Variants in CNTN5 observed in about 807,000 individuals in gnomAD.
CNTN5 encodes the protein contactin-5.
In CNTN5, 77 loss-of-function variants were observed where a neutral mutation model predicts 129.1. The observed-to-expected ratio is 0.60, with a 90% CI of 0.50 to 0.72. CNTN5 has a LOEUF of 0.72. CNTN5 is among the 30% of genes least tolerant of loss of function. CNTN5 has a pLI of 0.00. For synonymous variants in CNTN5, 509 were observed against 465.6 expected (o/e 1.09, Z -1.20); for missense variants, 1,478 against 1,328.8 (o/e 1.11, Z -1.75).
chr11:100,071,085 G>A (rs1019295214), intron 11 of CNTN5, among the ~76,000 whole-genome samples: 2 of 151,822 alleles, frequency 1.3e-5, no homozygotes, highest in African/African-American at 4.8e-5. Flanking sequence ...ATATGCTCTT[G>A]ACTTGAGGTT....
At chr11:100,215,426 G>A (rs1468973810) in intron 15 of CNTN5, among the ~76,000 whole-genome samples, 1 of 152,150 alleles carries the variant, frequency 6.6e-6, no homozygotes, top group Non-Finnish European at 1.5e-5. Context: ...CAGTGAACAA[G>A]TAGTTATATC....
chr11:99,726,836 G>A (rs755519188), intron 3 of CNTN5, among the ~76,000 whole-genome samples: 3 of 151,940 alleles, frequency 2.0e-5, no homozygotes, highest in Non-Finnish European at 4.4e-5. Flanking sequence ...TAAGTATAGT[G>A]CTTTTCCACC....
At chr11:99,621,315 A>G (rs544990332) in intron 3 of CNTN5, among the ~76,000 whole-genome samples, 82 of 152,326 alleles carry the variant, frequency 5.4e-4, no homozygotes, top group African/African-American at 1.9e-3. Flanking sequence ...AGATGGCTAA[A>G]TTGGAGTCAA....
chr11:99,951,420 C>A (rs1184677074), intron 7 of CNTN5, among the ~76,000 whole-genome samples: 1 of 151,946 alleles, frequency 6.6e-6, no homozygotes, highest in Non-Finnish European at 1.5e-5. Flanking sequence ...GATCTCAGTT[C>A]CCACCCCAAA....
At chr11:99,842,139 C>T (rs540068670) in intron 4 of CNTN5, among the ~76,000 whole-genome samples, 2 of 152,050 alleles carry the variant, frequency 1.3e-5, no homozygotes, top group East Asian at 3.9e-4. Flanking sequence ...AGATGATGCA[C>T]CCACCTCAGC....
intron 13 of CNTN5, among the ~76,000 whole-genome samples, chr11:100,150,678 A>G (rs1947025541): frequency 6.6e-6 from 1 of 151,922 alleles, no homozygotes; most frequent in Non-Finnish European, 1.5e-5. Context: ...TCATCAACAC[A>G]AGCAGAAGAA....
chr11:100,251,069 C>T (rs1175751142), intron 16 of CNTN5, among the ~76,000 whole-genome samples: 1 of 152,134 alleles, frequency 6.6e-6, no homozygotes, highest in African/African-American at 2.4e-5. Context: ...AAGTCTTTTT[C>T]ATAATATTTG....
intron 1 of CNTN5, among the ~76,000 whole-genome samples, chr11:99,254,818 T>A (rs544096495): frequency 1.1e-3 from 171 of 152,112 alleles, no homozygotes; most frequent in African/African-American, 3.8e-3. Context: ...GTTACCCCAA[T>A]ATTAACAAAG....
At chr11:100,109,955 G>A (rs868643383) in intron 13 of CNTN5, among the ~76,000 whole-genome samples, 42 of 152,026 alleles carry the variant, frequency 2.8e-4, no homozygotes, top group African/African-American at 9.4e-4. Flanking sequence ...GAGATGAGTG[G>A]ATTGCTTGAG....
chr11:99,599,621 A>G (rs1422446217), intron 3 of CNTN5, among the ~76,000 whole-genome samples: 1 of 152,122 alleles, frequency 6.6e-6, no homozygotes, highest in Non-Finnish European at 1.5e-5. Context: ...TCACATATTA[A>G]TCTCCCTTCC....
At chr11:99,620,027 A>AAAAAAAAAAAAAAAAACAAAAAAG (rs1555049924) in intron 3 of CNTN5, among the ~76,000 whole-genome samples, 6 of 129,046 alleles carry the variant, frequency 4.6e-5, no homozygotes, top group East Asian at 2.3e-4. Context: ...CTCCGTCTCA[A>AAAAAAAAAAAAAAAAACAAAAAAG]AAAAAAAAAA....
At chr11:99,864,680 T>C (rs1212042970) in intron 6 of CNTN5, among the ~76,000 whole-genome samples, 1 of 152,194 alleles carries the variant, frequency 6.6e-6, no homozygotes, top group Non-Finnish European at 1.5e-5. Flanking sequence ...TAATTCATTT[T>C]AAAAATCGAC....
At chr11:99,580,119 C>A (rs146042818) in intron 3 of CNTN5, among the ~76,000 whole-genome samples, 3,134 of 152,104 alleles carry the variant, frequency 0.021, 118 homozygotes, top group African/African-American at 0.071. Context: ...TCTGTTTAGA[C>A]GCTGGATTAC....
chr11:99,181,428 C>G (rs748677647), intron 1 of CNTN5, among the ~76,000 whole-genome samples: 1 of 152,168 alleles, frequency 6.6e-6, no homozygotes, highest in Non-Finnish European at 1.5e-5. Context: ...TTATCCCACC[C>G]CCATTGGTAT....
At chr11:99,025,568 T>A (rs1450743529) in intron 1 of CNTN5, among the ~76,000 whole-genome samples, 1 of 151,748 alleles carries the variant, frequency 6.6e-6, no homozygotes, top group Non-Finnish European at 1.5e-5. Context: ...TGATAAAAAG[T>A]TGATTGAAAT....
chr11:100,304,859 G>C (rs1252087818), intron 20 of CNTN5, among the ~76,000 whole-genome samples: 1 of 150,822 alleles, frequency 6.6e-6, no homozygotes. Context: ...ATGGTTGTTG[G>C]GAAGACTAAG....
At chr11:100,259,342 T>C (rs755477607) in intron 17 of CNTN5, among the ~76,000 whole-genome samples, 1 of 152,058 alleles carries the variant, frequency 6.6e-6, no homozygotes, top group African/African-American at 2.4e-5. Context: ...CACACAATAA[T>C]AGTGGGAGAC....
chr11:100,303,322 GT>G (rs1177523987), intron 20 of CNTN5, among the ~76,000 whole-genome samples: 1 of 151,414 alleles, frequency 6.6e-6, no homozygotes, highest in Non-Finnish European at 1.5e-5. Flanking sequence ...TTCAAAATAA[GT>G]TCTCAAAATG....
intron 3 of CNTN5, among the ~76,000 whole-genome samples, chr11:99,620,806 C>T (rs12807920): frequency 0.45 from 68,567 of 151,742 alleles, 15,927 homozygotes; most frequent in Admixed American, 0.59. Flanking sequence ...GTTCCTGAGA[C>T]TGTGAGTTAT....
Sources: gnomAD v4.1 joint callset for allele counts (sites outside exome capture counted in the v4.1 genomes callset) on GRCh38, gnomAD v4.1.1 for gene constraint, MANE v1.5 for transcripts, NCBI Gene and HGNC (gene_info 2026-07-23, HGNC 2026-07-21) for gene names.